NCOA7: variants seen among roughly 807,000 people sequenced by gnomAD.
NCOA7 encodes nuclear receptor coactivator 7.
Under a neutral mutation model 104.3 loss-of-function variants are expected in NCOA7, and 45 were observed. The ratio of observed to expected loss-of-function variants is 0.43; its 90% confidence interval spans 0.34 to 0.55. The LOEUF is 0.55. Among genes scored for constraint, NCOA7 ranks in the 20% least tolerant of loss-of-function variants. The pLI is 0.02. For missense variants in NCOA7, 1,041 were observed against 1,119.7 expected, an observed-to-expected ratio of 0.93 and a Z score of 1.00; for synonymous variants, 398 against 402.3, an observed-to-expected ratio of 0.99 and a Z score of 0.13.
chr6:125,882,345 G>T lies in NCOA7; in HGVS notation c.574-81G>T, dbSNP rs1344014860. The T allele has an allele frequency of 4.2e-6, 6 of 1,423,870 alleles. No homozygotes were observed. The East Asian group carries it at 1.4e-4, about 33-fold the overall frequency. 88.2% of individuals were successfully genotyped at this position (1,423,870 alleles called of 1,614,324 possible). A position where few individuals can be genotyped will look rare whatever the true frequency, so the allele number is the denominator to read the frequency against. On this transcript the variant is annotated intron_variant, in intron 6 of 15. Coordinates refer to ENST00000392477, the MANE Select transcript of NCOA7 (RefSeq NM_181782.5). ...TAAATAGAAATAGTATACTCACAGGGAATTTATGGGGCTTGATTTATACAC... is the reference window on the plus strand; with the variant it reads ...TAAATAGAAATAGTATACTCACAGGTAATTTATGGGGCTTGATTTATACAC...
At chr6:125,836,400 G>A (rs1779612110) in intron 2 of NCOA7, among the ~76,000 whole-genome samples, 1 of 152,062 alleles carries the variant, frequency 6.6e-6, no homozygotes, top group Non-Finnish European at 1.5e-5. Flanking sequence ...AAGATTCTTT[G>A]GTCTAATCCA....
chr6:125,809,719 C>A (rs1776792868), intron 1 of NCOA7, among the ~76,000 whole-genome samples: 1 of 152,148 alleles, frequency 6.6e-6, no homozygotes, highest in Non-Finnish European at 1.5e-5. Context: ...TTGATCTGTT[C>A]CTTACGTGAC....
In NCOA7 at chr6:125,882,426, G is replaced by A; in HGVS notation, c.574G>A (p.Asp192Asn). Residue 192 changes from aspartate to asparagine, a missense_variant and splice_region_variant, in exon 7 of 16, where the codon GAT (aspartate) becomes AAT (asparagine). This residue lies in a region of NCOA7 where 914 missense variants were observed against 942.7 expected (regional missense o/e 0.97). Coordinates refer to ENST00000392477, the MANE Select transcript of NCOA7 (RefSeq NM_181782.5). ...TTTTGAAATTTTTTGCTTTCACAAG[G>A]ATGCTGACTTAGCACGAAAGGCCTT... ...SSDAEYDKLP[D>N]ADLARKALKP... The A allele has an allele frequency of 6.2e-7, 1 of 1,612,008 alleles. No homozygotes were observed. The highest frequency in any genetic ancestry group is 8.5e-7 in the Non-Finnish European group (1 of 1,179,460).
intron 10 of NCOA7, among the ~76,000 whole-genome samples, chr6:125,912,330 G>A (rs1364935706): frequency 6.6e-6 from 1 of 151,822 alleles, no homozygotes; most frequent in African/African-American, 2.4e-5. Flanking sequence ...ATTGATAGGT[G>A]TTCCCTCGGA....
chr6:125,875,758 T>C (rs1783317228), intron 4 of NCOA7, among the ~76,000 whole-genome samples: 1 of 152,252 alleles, frequency 6.6e-6, no homozygotes, highest in African/African-American at 2.4e-5. Context: ...CTCTATCTCA[T>C]GCTTTAATTC....
intron 7 of NCOA7, among the ~76,000 whole-genome samples, chr6:125,883,402 T>A (rs1018477572): frequency 6.6e-5 from 10 of 152,218 alleles, no homozygotes; most frequent in Non-Finnish European, 1.5e-4. Context: ...CCAATTACAG[T>A]GTAAAATCCA....
At chr6:125,814,938 A>G (rs933406509) in intron 1 of NCOA7, among the ~76,000 whole-genome samples, 13 of 152,212 alleles carry the variant, frequency 8.5e-5, no homozygotes, top group African/African-American at 2.7e-4. Flanking sequence ...GCTTGGGAAG[A>G]GTGATTATGA....
At chr6:125,868,669 G>A (rs1782629994) in intron 3 of NCOA7, among the ~76,000 whole-genome samples, 1 of 152,180 alleles carries the variant, frequency 6.6e-6, no homozygotes, top group African/African-American at 2.4e-5. Flanking sequence ...GAATGGATCT[G>A]TTTCCATTAT....
chr6:125,893,887 G>T (rs886713061), intron 10 of NCOA7, among the ~76,000 whole-genome samples: 2 of 152,162 alleles, frequency 1.3e-5, no homozygotes, highest in Non-Finnish European at 2.9e-5. Flanking sequence ...GGTTCACTGA[G>T]AATTAAATAC....
At chr6:125,872,031 T>A (rs1337724034) in intron 3 of NCOA7, among the ~76,000 whole-genome samples, 1 of 151,710 alleles carries the variant, frequency 6.6e-6, no homozygotes, top group African/African-American at 2.4e-5. Context: ...CACAAGACAT[T>A]TAAGGATGGG....
intron 1 of NCOA7, among the ~76,000 whole-genome samples, chr6:125,791,555 T>TA (rs1424253649): frequency 6.6e-6 from 1 of 152,210 alleles, no homozygotes. Flanking sequence ...AGTTGGTATA[T>TA]AAAATCGATG....
chr6:125,882,529 G>A lies in NCOA7; in HGVS notation c.677G>A (p.Cys226Tyr). The change falls in exon 7 of 16, where the codon TGT becomes TAT. Residue 226 changes from cysteine to tyrosine, a missense_variant. Physicochemically the swap from Cys to Tyr is radical, Grantham distance 194 (BLOSUM62 -2). Coordinates refer to ENST00000392477, the MANE Select transcript of NCOA7 (RefSeq NM_181782.5). ...PGVVKFLKMN[C>Y]RYFTDGKGVV... ...GTGGTGAAATTTTTAAAAATGAATT[G>A]TCGATACTTCACCGATGGAAAGGTA... The A allele has an allele frequency of 2.5e-6, 4 of 1,613,080 alleles. No individual in the cohort carries two copies. The highest frequency in any genetic ancestry group is 3.4e-6 in the Non-Finnish European group (4 of 1,179,496).
chr6:125,921,218 T>G lies in NCOA7; in HGVS notation c.2370+150T>G, dbSNP rs570087154. On this transcript the variant is annotated intron_variant, in intron 12 of 15. Coordinates refer to ENST00000392477, the MANE Select transcript of NCOA7 (RefSeq NM_181782.5). ...TGAGGTCAGGAGTTTGAGACCAGACTGGACAACATGGCAAAACCCCATCTC... is the reference window on the plus strand; with the variant it reads ...TGAGGTCAGGAGTTTGAGACCAGACGGGACAACATGGCAAAACCCCATCTC... 4.6e-4 allele frequency: 488 copies of G among 1,052,074 alleles called. 1 individual carries two copies. Among genetic ancestry groups the G allele is most frequent in the Non-Finnish European group, 6.1e-4 (467 of 768,012 alleles). 65.2% of individuals were successfully genotyped at this position (1,052,074 alleles called of 1,614,324 possible).
In NCOA7 at chr6:125,883,156, T is replaced by C. The variant is rs190270656; in HGVS notation, c.699+605T>C. Reference sequence around the variant, plus strand: ...TTGTTTTCTGTGTGTTTTTGTTTTTTTGTTTTCACTAAGAACAAATTCAGC... The same window carrying C: ...TTGTTTTCTGTGTGTTTTTGTTTTTCTGTTTTCACTAAGAACAAATTCAGC... On this transcript the variant is annotated intron_variant, in intron 7 of 15. Transcript: ENST00000392477. Among the ~76,000 whole-genome samples, 304 of 152,328 alleles carry C rather than the reference T, an allele frequency of 2.0e-3. 1 individual carries two copies. Among genetic ancestry groups the C allele is most frequent in the African/African-American group, 6.8e-3 (283 of 41,576 alleles).
rs986117875 is a variant in NCOA7 at position 125,888,849 on chromosome 6, A to C, written c.885-90A>C. 1.8e-5 allele frequency: 16 copies of C among 900,474 alleles called. No homozygotes were observed. In the Admixed American group the frequency reaches 3.3e-4, roughly 19 times the overall value. 55.8% of individuals were successfully genotyped at this position (900,474 alleles called of 1,614,324 possible). A position where few individuals can be genotyped will look rare whatever the true frequency, so the allele number is the denominator to read the frequency against. On this transcript the variant is annotated intron_variant, in intron 8 of 15. Transcript: ENST00000392477. The stretch of plus-strand genomic sequence containing the variant: ...ATATTTATGTATTGGTTTTTGGTTG[A>C]GTTTCTGTTTTGTTTTTTGCCTTTC...
At chr6:125,882,295 A>G in intron 6 of NCOA7, 131 bp from the exon 7 acceptor site, 2 of 820,430 alleles carry the variant, frequency 2.4e-6, no homozygotes, top group Non-Finnish European at 3.9e-6. Context: ...AGGACAGAGG[A>G]TATTTGCCTT....
intron 2 of NCOA7, among the ~76,000 whole-genome samples, chr6:125,836,632 C>T (rs1048671132): frequency 6.6e-6 from 1 of 152,078 alleles, no homozygotes. Flanking sequence ...TATGGAAATC[C>T]ACAGGAAATT....
At chr6:125,840,860 TTTGG>T (rs1780064282) in intron 2 of NCOA7, among the ~76,000 whole-genome samples, 2 of 139,650 alleles carry the variant, frequency 1.4e-5, no homozygotes, top group African/African-American at 2.7e-5. Flanking sequence ...GTTTTTTTTG[TTTGG>T]TTGGTTTTTT....
intron 10 of NCOA7, among the ~76,000 whole-genome samples, chr6:125,891,500 A>G: frequency 6.6e-6 from 1 of 152,210 alleles, no homozygotes; most frequent in East Asian, 1.9e-4. Flanking sequence ...GGTAGAATAA[A>G]AATGTCTTAT....
Sources: gnomAD v4.1 joint callset for allele counts (sites outside exome capture counted in the v4.1 genomes callset) on GRCh38, gnomAD v4.1.1 for gene constraint, gnomAD v4.1.1 regional missense constraint, MANE v1.5 for transcripts, NCBI Gene and HGNC (gene_info 2026-07-23, HGNC 2026-07-21) for gene names.